Variants in KCNH7 observed in about 807,000 individuals in gnomAD.
KCNH7 encodes potassium voltage-gated channel subfamily H member 7.
In KCNH7, 49 loss-of-function variants were observed where a neutral mutation model predicts 120.8. That is an observed-to-expected ratio of 0.41 (90% CI 0.32 to 0.51). The LOEUF (loss-of-function observed/expected upper bound fraction) is 0.51. KCNH7 is among the 20% of genes least tolerant of loss of function. KCNH7 has a pLI of 0.38. For synonymous variants in KCNH7, 547 were observed against 516.1 expected (o/e 1.06, Z -0.81); for missense variants, 1,097 against 1,446.6 (o/e 0.76, Z 3.92).
At chr2:162,601,327 C>A (rs914039566) in intron 2 of KCNH7, among the ~76,000 whole-genome samples, 5 of 143,254 alleles carry the variant, frequency 3.5e-5, no homozygotes, top group Admixed American at 2.8e-4. Context: ...GCTCCAAATT[C>A]ATTTGCCAAT....
intron 2 of KCNH7, among the ~76,000 whole-genome samples, chr2:162,555,102 AG>A (rs1318888581): frequency 1.3e-5 from 2 of 152,236 alleles, no homozygotes; most frequent in Non-Finnish European, 1.5e-5. Flanking sequence ...CAAATGGATG[AG>A]CATAGATATG....
intron 6 of KCNH7, among the ~76,000 whole-genome samples, chr2:162,486,138 G>A (rs1013137659): frequency 3.3e-5 from 5 of 152,144 alleles, no homozygotes; most frequent in Admixed American, 3.3e-4. Context: ...AGCCAAGAAA[G>A]TGTGAAAAAG....
chr2:162,758,744 A>G (rs1688872574), intron 2 of KCNH7, among the ~76,000 whole-genome samples: 1 of 152,152 alleles, frequency 6.6e-6, no homozygotes, highest in Non-Finnish European at 1.5e-5. Flanking sequence ...ATTCTCTTAT[A>G]GGTTTGCATT....
rs558476171 is a variant in KCNH7, at chr2:162,611,981, C to G, written c.308-74901G>C. ...GGAAGGACAGATGTTTGGAATAGTC[C>G]GGATCACACAGCGTATGACCAATAT... On this transcript the variant is annotated intron_variant, in intron 2 of 15. Coordinates refer to ENST00000332142, the MANE Select transcript of KCNH7 (RefSeq NM_033272.4). 5.3e-4 allele frequency among the ~76,000 whole-genome samples: 80 copies of G among 152,216 alleles called. 1 individual carries two copies. The highest frequency in any genetic ancestry group is 6.8e-3 in the Middle Eastern group (2 of 294).
chr2:162,796,370 C>T (rs930567012), intron 2 of KCNH7: 20 of 151,968 alleles, frequency 1.3e-4, no homozygotes, highest in African/African-American at 4.6e-4. Flanking sequence ...TTACAAACAC[C>T]GTTTCCAAGT....
At chr2:162,568,090 C>T (rs1345547965) in intron 2 of KCNH7, among the ~76,000 whole-genome samples, 1 of 151,958 alleles carries the variant, frequency 6.6e-6, no homozygotes, top group Non-Finnish European at 1.5e-5. Flanking sequence ...GTGGAGCAAA[C>T]ATGTCCTTCT....
intron 2 of KCNH7, among the ~76,000 whole-genome samples, chr2:162,746,454 G>A (rs914630931): frequency 6.6e-5 from 10 of 152,052 alleles, no homozygotes; most frequent in African/African-American, 1.9e-4. Flanking sequence ...GTGGGTTCTT[G>A]TCCCTAGAGG....
At chr2:162,556,162 G>A (rs890644875) in intron 2 of KCNH7, among the ~76,000 whole-genome samples, 2 of 151,858 alleles carry the variant, frequency 1.3e-5, no homozygotes, top group African/African-American at 4.8e-5. Flanking sequence ...ATATAATTAT[G>A]CATGCTTAGA....
intron 6 of KCNH7, among the ~76,000 whole-genome samples, chr2:162,487,121 G>A (rs1297703816): frequency 1.3e-5 from 2 of 152,108 alleles, no homozygotes; most frequent in Non-Finnish European, 1.5e-5. Context: ...CCCAATGAAA[G>A]TAAGCTTGTT....
intron 2 of KCNH7, among the ~76,000 whole-genome samples, chr2:162,708,998 G>T (rs1258944214): frequency 6.6e-6 from 1 of 152,062 alleles, no homozygotes; most frequent in African/African-American, 2.4e-5. Context: ...TTATACAAAT[G>T]AAAGAATCAA....
At chr2:162,735,111 C>A (rs987431234) in intron 2 of KCNH7, among the ~76,000 whole-genome samples, 1 of 152,202 alleles carries the variant, frequency 6.6e-6, no homozygotes, top group African/African-American at 2.4e-5. Context: ...GCAAGACACA[C>A]TGCTCACCAA....
chr2:162,623,441 T>TA (rs1007091460), intron 2 of KCNH7, among the ~76,000 whole-genome samples: 7 of 152,350 alleles, frequency 4.6e-5, no homozygotes, highest in African/African-American at 9.6e-5. Context: ...CATTTTCTTA[T>TA]AAAAGAATTT....
intron 2 of KCNH7, among the ~76,000 whole-genome samples, chr2:162,834,785 CCTA>C (rs1466685967): frequency 6.6e-6 from 1 of 152,070 alleles, no homozygotes; most frequent in Non-Finnish European, 1.5e-5. Flanking sequence ...ATAGATAACT[CCTA>C]CTTGAAAACA....
chr2:162,594,056 GA>G (rs1694296853), intron 2 of KCNH7, among the ~76,000 whole-genome samples: 8 of 151,898 alleles, frequency 5.3e-5, no homozygotes, highest in Admixed American at 4.6e-4. Context: ...ATTCATCTGG[GA>G]ACACTTTTCT....
chr2:162,426,713 T>C (rs1294404604), intron 8 of KCNH7, among the ~76,000 whole-genome samples: 1 of 152,194 alleles, frequency 6.6e-6, no homozygotes, highest in African/African-American at 2.4e-5. Context: ...CTTAATAAAA[T>C]AAATTTTATT....
intron 2 of KCNH7, among the ~76,000 whole-genome samples, chr2:162,675,577 G>A (rs1897917): frequency 0.17 from 25,706 of 151,334 alleles, 2,540 homozygotes; most frequent in East Asian, 0.46. Flanking sequence ...TCAATACAAG[G>A]TAAATCTTAG....
At chr2:162,373,732 T>A (rs1686051485) in intron 14 of KCNH7, 70 bp from the exon 15 acceptor site, 1 of 1,069,148 alleles carries the variant, frequency 9.4e-7, no homozygotes, top group Non-Finnish European at 1.3e-6. Flanking sequence ...TTTAAAAAAA[T>A]TTCAGCACTA....
intron 12 of KCNH7, among the ~76,000 whole-genome samples, chr2:162,390,751 T>TACC (rs111262695): frequency 0.016 from 2,396 of 152,102 alleles, 68 homozygotes; most frequent in African/African-American, 0.054. Context: ...CTCAAATTTC[T>TACC]ACCTGCACTT....
At chr2:162,568,337 G>A (rs34125016) in intron 2 of KCNH7, among the ~76,000 whole-genome samples, 1 of 151,968 alleles carries the variant, frequency 6.6e-6, no homozygotes, top group African/African-American at 2.4e-5. Flanking sequence ...AGAGTAACAT[G>A]CTGTACAGGT....
Sources: allele counts gnomAD v4.1 joint callset (sites outside exome capture counted in the v4.1 genomes callset), GRCh38; gene constraint gnomAD v4.1.1; transcripts MANE v1.5; gene names NCBI Gene and HGNC (gene_info 2026-07-23, HGNC 2026-07-21).